PCDHGA7: variants seen among roughly 807,000 people sequenced by gnomAD.
The protein encoded by PCDHGA7 is protocadherin gamma-A7.
PCDHGA7 carries 44 observed loss-of-function variants against 58.3 expected under a neutral mutation model. The observed-to-expected ratio is 0.75, with a 90% CI of 0.59 to 0.97. The LOEUF (loss-of-function observed/expected upper bound fraction) is 0.97. PCDHGA7 is among the 50% of genes least tolerant of loss of function. PCDHGA7 has a pLI of 0.00. For missense variants in PCDHGA7, 1,266 were observed against 1,188.7 expected, an observed-to-expected ratio of 1.06 and a Z score of -0.96; for synonymous variants, 516 against 504.2, an observed-to-expected ratio of 1.02 and a Z score of -0.31.
chr5:141,504,351 G>A (rs77439649), intron 2 of PCDHGA7, among the ~76,000 whole-genome samples: 2 of 152,010 alleles, frequency 1.3e-5, no homozygotes, highest in African/African-American at 4.8e-5. Context: ...CTTTGTGCTA[G>A]GTGCTTCAGT....
intron 1 of PCDHGA7, chr5:141,415,563 T>G: frequency 1.2e-6 from 2 of 1,614,168 alleles, no homozygotes; most frequent in Non-Finnish European, 1.7e-6. Flanking sequence ...ATCCTTTGTC[T>G]TTGTTAGATG....
chr5:141,427,971 C>T (rs764145525), intron 1 of PCDHGA7: 1 of 1,593,512 alleles, frequency 6.3e-7, no homozygotes, highest in African/African-American at 1.3e-5. Flanking sequence ...GGTGCTGTAC[C>T]CCGCGCTGGG....
In PCDHGA7 at chr5:141,477,533, G is replaced by C. The variant is rs780541121; in HGVS notation, c.2425-17274G>C. On this transcript the variant is annotated intron_variant, in intron 1 of 3. Transcript: ENST00000518325. This position sits in a 1 kb window ranked among gnomAD's most constrained non-coding sequence, Gnocchi z 4.9. ...TTACATTGAAGAAAACAACCTCCCC[G>C]GGGCTCCAATACTAAACCTAAGTGT... The C allele has an allele frequency of 6.2e-7, 1 of 1,613,892 alleles. No individual in the cohort carries two copies. The highest frequency in any genetic ancestry group is 1.3e-5 in the African/African-American group (1 of 74,852).
intron 1 of PCDHGA7, among the ~76,000 whole-genome samples, chr5:141,460,365 A>G (rs887924740): frequency 6.6e-6 from 1 of 152,180 alleles, no homozygotes; most frequent in African/African-American, 2.4e-5. Context: ...TAGAAGTTTT[A>G]TAGTTTTACC....
chr5:141,477,560 T>C lies in PCDHGA7; in HGVS notation c.2425-17247T>C, dbSNP rs2099412994. The C allele has an allele frequency of 1.2e-6, 2 of 1,614,078 alleles. No homozygotes were observed. Among genetic ancestry groups the C allele is most frequent in the South Asian group, 2.2e-5 (2 of 91,094 alleles). ...GGCTCCAATACTAAACCTAAGTGTC[T>C]GGGACCCCGACGCCCCGCAGAATGC... On this transcript the variant is annotated intron_variant, in intron 1 of 3. Transcript: ENST00000518325. This position sits in a 1 kb window ranked among gnomAD's most constrained non-coding sequence, Gnocchi z 4.9.
At chr5:141,494,736 T>C in intron 1 of PCDHGA7, 71 bp from the exon 2 acceptor site, 1 of 1,611,858 alleles carries the variant, frequency 6.2e-7, no homozygotes, top group Non-Finnish European at 8.5e-7. Context: ...TCCCGGCCCA[T>C]CCCTAGGGGC....
chr5:141,490,910 A>G lies in PCDHGA7; in HGVS notation c.2425-3897A>G. The G allele has an allele frequency of 1.2e-6, 2 of 1,613,652 alleles. No individual in the cohort carries two copies. Among genetic ancestry groups the G allele is most frequent in the African/African-American group, 1.3e-5 (1 of 75,048 alleles). ...TCTCTGCATGTGTTTGTCCTAGACG[A>G]GAATGATAATGCCCCAGCTGTGCTG... On this transcript the variant is annotated intron_variant, in intron 1 of 3. Transcript: ENST00000518325. This position sits in a 1 kb window ranked among gnomAD's most constrained non-coding sequence, Gnocchi z 5.4.
chr5:141,402,799 C>A (rs1248030162), intron 1 of PCDHGA7: 2 of 1,061,840 alleles, frequency 1.9e-6, no homozygotes, highest in Non-Finnish European at 2.6e-6. Flanking sequence ...TACACAAAAC[C>A]CGGCAGATAC....
intron 1 of PCDHGA7, among the ~76,000 whole-genome samples, chr5:141,480,700 C>A (rs1327284592): frequency 1.3e-5 from 2 of 152,192 alleles, no homozygotes; most frequent in Admixed American, 6.5e-5. Flanking sequence ...CCAGGCCACA[C>A]CCCGACAAAT....
rs761938460 is a variant in PCDHGA7 at position 141,393,330 on chromosome 5, AG to A, written c.2424+8008del. On this transcript the variant is annotated intron_variant, in intron 1 of 3. Coordinates refer to ENST00000518325, the MANE Select transcript of PCDHGA7 (RefSeq NM_018920.4). The stretch of plus-strand genomic sequence containing the variant: ...GAACTCCCTCCAGAGCTACCAGCTC[AG>A]CCCCAATCACCACTTCTCCCTGGAC... The A allele has an allele frequency of 3.7e-6, 6 of 1,611,072 alleles. No individual in the cohort carries two copies. In the African/African-American group the frequency reaches 6.8e-5, roughly 18 times the overall value.
intron 1 of PCDHGA7, among the ~76,000 whole-genome samples, chr5:141,468,273 C>T (rs894110332): frequency 1.4e-5 from 2 of 144,550 alleles, no homozygotes; most frequent in Non-Finnish European, 3.0e-5. Flanking sequence ...TGTGGTGAGC[C>T]GAGACCACGC....
Position 141,505,463 on chromosome 5 carries a change from A to G in PCDHGA7, c.2554A>G (p.Ile852Val). 1 of 1,614,184 alleles carries G rather than the reference A, an allele frequency of 6.2e-7. No homozygotes were observed. Among genetic ancestry groups the G allele is most frequent in the East Asian group, 2.2e-5 (1 of 44,876 alleles). Residue 852 changes from isoleucine to valine, a missense_variant, in exon 3 of 4, where the codon ATC (isoleucine) becomes GTC (valine). Ile to Val is a conservative substitution (Grantham distance 29). Transcript: ENST00000518325. Reference protein sequence around the residue: ...QFDTEMLQAMILASASEAADG... With the variant: ...QFDTEMLQAMVLASASEAADG... ...TGACACAGAGATGCTGCAAGCCATG[A>G]TCTTGGCGTCCGCCAGTGGTAAGTG...
intron 1 of PCDHGA7, chr5:141,441,823 C>T (rs538052540): frequency 3.9e-5 from 14 of 357,336 alleles, no homozygotes; most frequent in Non-Finnish European, 6.6e-5. Context: ...AGCTCTGGAG[C>T]GCAATGGCTT....
chr5:141,390,279 C>T (rs759949726), intron 1 of PCDHGA7: 18 of 1,613,880 alleles, frequency 1.1e-5, no homozygotes, highest in Non-Finnish European at 1.5e-5. Context: ...GACTTCCCAT[C>T]AGGTGAGTTT....
At position 141,421,819 on chromosome 5, in the gene PCDHGA7, G is replaced by C. The variant is rs752366104; in HGVS notation, c.2424+36496G>C. The C allele has an allele frequency of 3.8e-5, 61 of 1,613,688 alleles. No homozygotes were observed. Among genetic ancestry groups the C allele is most frequent in the Non-Finnish European group, 4.9e-5 (58 of 1,179,892 alleles). ...GGCCAAGAATCCAGAGCTAGTACTG[G>C]AGGGAAGCCTGGACCGAGAGAAAGA... On this transcript the variant is annotated intron_variant, in intron 1 of 3. Coordinates refer to ENST00000518325, the MANE Select transcript of PCDHGA7 (RefSeq NM_018920.4).
chr5:141,389,767 G>C, intron 1 of PCDHGA7: 2 of 1,613,028 alleles, frequency 1.2e-6, no homozygotes, highest in Non-Finnish European at 8.5e-7. Context: ...CGCACAGCGC[G>C]TGCCTTAGGC....
At position 141,489,963 on chromosome 5, in the gene PCDHGA7, C is replaced by A. The variant is rs779260164; in HGVS notation, c.2425-4844C>A. On this transcript the variant is annotated intron_variant, in intron 1 of 3. Coordinates refer to ENST00000518325, the MANE Select transcript of PCDHGA7 (RefSeq NM_018920.4). This position sits in a 1 kb window ranked among gnomAD's most constrained non-coding sequence, Gnocchi z 4.5. Reference sequence around the variant, plus strand: ...TGGACATCAATGATAATGCTCCAACCTTCCAATCCTCAGTTCTACGTGTGG... The same window carrying A: ...TGGACATCAATGATAATGCTCCAACATTCCAATCCTCAGTTCTACGTGTGG... The A allele has an allele frequency of 8.1e-6, 13 of 1,614,184 alleles. No homozygotes were observed. In the East Asian group the frequency reaches 2.2e-4, roughly 28 times the overall value.
At chr5:141,400,440 A>G (rs1351638844) in intron 1 of PCDHGA7, 2 of 1,614,094 alleles carry the variant, frequency 1.2e-6, no homozygotes, top group Non-Finnish European at 1.7e-6. Context: ...AATTGAGTTC[A>G]GGACAAGACA....
rs114669158 is a variant in PCDHGA7 at position 141,511,003 on chromosome 5, G to A, written c.2629G>A (p.Ala877Thr). The change falls in exon 4 of 4, where the codon GCC (alanine) becomes ACC (threonine). Residue 877 changes from alanine to threonine, a missense_variant. Physicochemically the swap from Ala to Thr is moderately conservative, Grantham distance 58 (BLOSUM62 0). Coordinates refer to ENST00000518325, the MANE Select transcript of PCDHGA7 (RefSeq NM_018920.4). Reference protein sequence around the residue: ...GGGAGTMGLSARYGPQFTLQH... With the variant: ...GGGAGTMGLSTRYGPQFTLQH... ...GGGTGCCGGCACCATGGGATTGAGCGCCCGCTACGGACCCCAGTTCACCCT... is the reference window on the plus strand; with the variant it reads ...GGGTGCCGGCACCATGGGATTGAGCACCCGCTACGGACCCCAGTTCACCCT... The A allele has an allele frequency of 1.0e-4, 163 of 1,614,148 alleles. 1 individual carries two copies. The highest frequency in any genetic ancestry group is 9.5e-5 in the Non-Finnish European group (112 of 1,180,012).
Sources: gnomAD v4.1 joint callset for allele counts (sites outside exome capture counted in the v4.1 genomes callset) on GRCh38, gnomAD v4.1.1 for gene constraint, Gnocchi (gnomAD v3.1) non-coding constraint, MANE v1.5 for transcripts, NCBI Gene and HGNC (gene_info 2026-07-23, HGNC 2026-07-21) for gene names.